PTPRG: variants seen among roughly 807,000 people sequenced by gnomAD.
PTPRG encodes protein tyrosine phosphatase receptor type G.
A neutral mutation model predicts 165.3 loss-of-function variants in PTPRG; 102 were observed. The observed-to-expected ratio is 0.62, with a 90% CI of 0.53 to 0.73. The LOEUF (loss-of-function observed/expected upper bound fraction) is 0.73, where lower values mean the gene tolerates loss of function less well. Ranked by LOEUF, PTPRG falls within the 30% of genes least tolerant of loss-of-function variation. The pLI, the probability that PTPRG is intolerant of heterozygous loss-of-function variation, is 0.00. For synonymous variants in PTPRG, 675 were observed against 669.5 expected (o/e 1.01, Z -0.13); for missense variants, 1,866 against 1,861.4 (o/e 1.00, Z -0.05).
chr3:61,887,155 TATA>T (rs2038069243), intron 2 of PTPRG, among the ~76,000 whole-genome samples: 2 of 58,390 alleles, frequency 3.4e-5, no homozygotes, highest in African/African-American at 7.6e-5. Flanking sequence ...TATATATATA[TATA>T]TATATATATA....
rs1700322957 is a variant in PTPRG at position 62,210,093 on chromosome 3, A to G, written c.2155+6143A>G. On this transcript the variant is annotated intron_variant, in intron 12 of 29. Coordinates refer to ENST00000474889, the MANE Select transcript of PTPRG (RefSeq NM_002841.4). This position sits in a 1 kb window ranked among gnomAD's most constrained non-coding sequence, Gnocchi z 4.1. ...ACCACCTAATTGAAATAGAGATGACAGACCATCATTTTGATTGTTTGAGTC... is the reference window on the plus strand; with the variant it reads ...ACCACCTAATTGAAATAGAGATGACGGACCATCATTTTGATTGTTTGAGTC... Among the ~76,000 whole-genome samples, 1 of 152,216 alleles carries G rather than the reference A, an allele frequency of 6.6e-6. No individual in the cohort carries two copies. Among genetic ancestry groups the G allele is most frequent in the Non-Finnish European group, 1.5e-5 (1 of 68,044 alleles).
chr3:61,989,836 G>C, intron 3 of PTPRG, 32 bp downstream of exon 3: 2 of 1,608,338 alleles, frequency 1.2e-6, no homozygotes, highest in Non-Finnish European at 1.7e-6. Flanking sequence ...TGTCCACAGA[G>C]CAACAGGAAC....
chr3:61,930,393 G>A (rs902627212), intron 2 of PTPRG, among the ~76,000 whole-genome samples: 1 of 152,170 alleles, frequency 6.6e-6, no homozygotes, highest in African/African-American at 2.4e-5. Flanking sequence ...GTGATTCCCT[G>A]GAGGTCAGAG....
intron 2 of PTPRG, among the ~76,000 whole-genome samples, chr3:61,917,564 C>T (rs753102630): frequency 1.3e-5 from 2 of 152,172 alleles, no homozygotes; most frequent in South Asian, 4.1e-4. Flanking sequence ...GAGAGCTAGA[C>T]AAACATGTCT....
intron 28 of PTPRG, among the ~76,000 whole-genome samples, chr3:62,285,526 G>GC (rs936587881): frequency 2.3e-5 from 2 of 87,032 alleles, no homozygotes; most frequent in Non-Finnish European, 4.8e-5. Context: ...GTGGTTGTTG[G>GC]GGGGGGGGGG....
intron 5 of PTPRG, among the ~76,000 whole-genome samples, chr3:62,090,290 T>A (rs1000701325): frequency 2.0e-5 from 3 of 152,128 alleles, no homozygotes; most frequent in Non-Finnish European, 4.4e-5. Context: ...GTGAATTATT[T>A]CTATTTTTAG....
chr3:61,823,627 A>C (rs2036019927), intron 2 of PTPRG, among the ~76,000 whole-genome samples: 1 of 152,246 alleles, frequency 6.6e-6, no homozygotes, highest in African/African-American at 2.4e-5. Flanking sequence ...GAAAAACTTA[A>C]AGATTATTAT....
chr3:61,983,845 T>A (rs2040695633), intron 2 of PTPRG, among the ~76,000 whole-genome samples: 2 of 152,198 alleles, frequency 1.3e-5, no homozygotes, highest in South Asian at 4.1e-4. Flanking sequence ...TTTCAAGTAG[T>A]ATTGCTGGGG....
At chr3:61,860,700 TC>T (rs1466362197) in intron 2 of PTPRG, among the ~76,000 whole-genome samples, 1 of 152,106 alleles carries the variant, frequency 6.6e-6, no homozygotes, top group Non-Finnish European at 1.5e-5. Context: ...CGCCTCAGCC[TC>T]CCAAAGTGCC....
chr3:61,645,018 C>T (rs1702163557), intron 1 of PTPRG, among the ~76,000 whole-genome samples: 1 of 152,090 alleles, frequency 6.6e-6, no homozygotes, highest in Non-Finnish European at 1.5e-5. Context: ...ATTGAAGAGG[C>T]TCCTGATCTT....
In PTPRG at chr3:61,571,625, T is replaced by G. The variant is rs1275510792; in HGVS notation, c.85+9253T>G. On this transcript the variant is annotated intron_variant, in intron 1 of 29. Transcript: ENST00000474889. ...TAACTGTGGATAGAGTCTGAATTTG[T>G]TGGTGGTGAGTTTTTTTTTGACACT... is the stretch of plus-strand genomic sequence containing the variant. 2.0e-5 allele frequency among the ~76,000 whole-genome samples: 3 copies of G among 152,188 alleles called. No individual in the cohort carries two copies. The East Asian group carries it at 5.8e-4, about 29-fold the overall frequency.
chr3:61,569,313 A>G (rs1243392124), intron 1 of PTPRG, among the ~76,000 whole-genome samples: 1 of 152,168 alleles, frequency 6.6e-6, no homozygotes, highest in Admixed American at 6.5e-5. Context: ...GAAAAGTTAC[A>G]TACCCTCTCT....
intron 1 of PTPRG, among the ~76,000 whole-genome samples, chr3:61,735,080 A>G (rs1575618829): frequency 6.6e-6 from 1 of 152,202 alleles, no homozygotes; most frequent in African/African-American, 2.4e-5. Context: ...ACTTTGGTTA[A>G]ATAGCTCTTC....
chr3:62,066,190 C>T (rs1361171387), intron 4 of PTPRG, among the ~76,000 whole-genome samples: 2 of 152,064 alleles, frequency 1.3e-5, no homozygotes, highest in Non-Finnish European at 1.5e-5. Flanking sequence ...ATCATTTCCC[C>T]GAAAACATGA....
chr3:61,758,256 G>T (rs1273783042), intron 2 of PTPRG, among the ~76,000 whole-genome samples: 2 of 152,010 alleles, frequency 1.3e-5, no homozygotes, highest in Non-Finnish European at 2.9e-5. Flanking sequence ...CAAAGTGCTG[G>T]GATTACAGGC....
intron 2 of PTPRG, among the ~76,000 whole-genome samples, chr3:61,761,214 C>T (rs2033823432): frequency 6.6e-6 from 1 of 152,164 alleles, no homozygotes; most frequent in African/African-American, 2.4e-5. Context: ...TAAATTCCCA[C>T]CAACAGTGTA....
intron 1 of PTPRG, among the ~76,000 whole-genome samples, chr3:61,715,306 T>C (rs2031757179): frequency 6.6e-6 from 1 of 151,836 alleles, no homozygotes. Context: ...AGCCTCCACC[T>C]CCCAGACTTA....
chr3:61,578,145 G>A (rs1700207324), intron 1 of PTPRG, among the ~76,000 whole-genome samples: 1 of 152,190 alleles, frequency 6.6e-6, no homozygotes, highest in African/African-American at 2.4e-5. Flanking sequence ...GTTCCTGTTG[G>A]TGCTACATCG....
intron 2 of PTPRG, among the ~76,000 whole-genome samples, chr3:61,822,946 G>T (rs1431530008): frequency 6.6e-6 from 1 of 152,198 alleles, no homozygotes; most frequent in Non-Finnish European, 1.5e-5. Context: ...CTCCCTGTGT[G>T]TGTTTTCTGG....
Sources: allele counts gnomAD v4.1 joint callset (sites outside exome capture counted in the v4.1 genomes callset), GRCh38; gene constraint gnomAD v4.1.1; non-coding constraint Gnocchi (gnomAD v3.1); transcripts MANE v1.5; gene names NCBI Gene and HGNC (gene_info 2026-07-23, HGNC 2026-07-21).